Variants in CADPS observed in about 807,000 individuals in gnomAD.
The protein encoded by CADPS is calcium-dependent secretion activator 1.
CADPS carries 57 observed loss-of-function variants against 167.3 expected under a neutral mutation model. The ratio of observed to expected loss-of-function variants is 0.34; its 90% confidence interval spans 0.28 to 0.42. The LOEUF is 0.42. Ranked by LOEUF, CADPS falls within the 20% of genes least tolerant of loss-of-function variation. CADPS has a pLI of 1.00. For synonymous variants in CADPS, 676 were observed against 635.3 expected (o/e 1.06, Z -0.96); for missense variants, 1,414 against 1,738.1 (o/e 0.81, Z 3.32).
chr3:62,499,327 A>G (rs770456840), intron 17 of CADPS, 59 bp from the exon 18 acceptor site: 2 of 1,017,382 alleles, frequency 2.0e-6, no homozygotes, highest in Non-Finnish European at 3.1e-6. Context: ...TTTTATGGCC[A>G]TTAGAACTAG....
intron 3 of CADPS, among the ~76,000 whole-genome samples, chr3:62,685,307 G>C (rs1256112339): frequency 6.6e-6 from 1 of 151,878 alleles, no homozygotes; most frequent in African/African-American, 2.4e-5. Context: ...ACACAAACAG[G>C]TAGACATTCC....
chr3:62,797,847 G>T (rs2093531376), intron 1 of CADPS, among the ~76,000 whole-genome samples: 1 of 151,910 alleles, frequency 6.6e-6, no homozygotes, highest in African/African-American at 2.4e-5. Context: ...AAAATAAAAG[G>T]TTTCCTGAAA....
At chr3:62,855,299 T>TG (rs35120395) in intron 1 of CADPS, among the ~76,000 whole-genome samples, 1 of 151,898 alleles carries the variant, frequency 6.6e-6, no homozygotes, top group African/African-American at 2.4e-5. Context: ...TATCTCAGCA[T>TG]GGAAGTTGGA....
At chr3:62,866,577 T>A (rs573131370) in intron 1 of CADPS, among the ~76,000 whole-genome samples, 1 of 152,180 alleles carries the variant, frequency 6.6e-6, no homozygotes, top group Admixed American at 6.6e-5. Context: ...TGAGTAAGGT[T>A]TCCTAAAGGA....
intron 28 of CADPS, chr3:62,403,521 A>G (rs1374847950): frequency 5.9e-6 from 1 of 168,582 alleles, no homozygotes; most frequent in African/African-American, 2.4e-5. Flanking sequence ...TACACCATTT[A>G]TATTCAATAC....
At chr3:62,672,880 G>C (rs549063777) in intron 3 of CADPS, among the ~76,000 whole-genome samples, 2 of 152,292 alleles carry the variant, frequency 1.3e-5, no homozygotes, top group Non-Finnish European at 2.9e-5. Flanking sequence ...CTCCTAGAGG[G>C]CTGGGATTAC....
chr3:62,600,729 G>A (rs541743068), intron 6 of CADPS, among the ~76,000 whole-genome samples: 176 of 152,286 alleles, frequency 1.2e-3, no homozygotes, highest in African/African-American at 3.9e-3. Flanking sequence ...ACATTATTTT[G>A]GGGGAGATGC....
intron 1 of CADPS, among the ~76,000 whole-genome samples, chr3:62,825,971 A>G (rs953982793): frequency 2.6e-5 from 4 of 152,144 alleles, no homozygotes; most frequent in Non-Finnish European, 4.4e-5. Flanking sequence ...AAATTCCTTG[A>G]CCTCAAAGAA....
chr3:62,460,338 T>C (rs1389960552), intron 26 of CADPS, among the ~76,000 whole-genome samples: 4 of 152,156 alleles, frequency 2.6e-5, no homozygotes, highest in South Asian at 2.1e-4. Context: ...TAGAAGCCAA[T>C]TGACTTAAAA....
In CADPS at chr3:62,771,824, T is replaced by C. The variant is rs76325659; in HGVS notation, c.442-5840A>G. On this transcript the variant is annotated intron_variant, in intron 1 of 29. Coordinates refer to ENST00000383710, the MANE Select transcript of CADPS (RefSeq NM_003716.4). The stretch of plus-strand genomic sequence containing the variant: ...CAAGGCCTGAAAATTCCCACTGCAT[T>C]TCAGGCAGTTTGTAATTTACTGAAG... 5.5e-3 allele frequency among the ~76,000 whole-genome samples: 839 copies of C among 152,316 alleles called. 1 individual carries two copies. The highest frequency in any genetic ancestry group is 7.7e-3 in the Non-Finnish European group (522 of 68,036).
rs141684470 is a variant in CADPS at position 62,753,669 on chromosome 3, G to A, written c.660C>T (p.Arg220=). ...VFKKHIEKRV[R]SLPEIDGLSK... ...TGAGGCCGTCAATCTCAGGCAGGCTGCGCACTCTCTTCTCAATGTGCTTCT... is the reference window on the plus strand; with the variant it reads ...TGAGGCCGTCAATCTCAGGCAGGCTACGCACTCTCTTCTCAATGTGCTTCT... The change falls in exon 3 of 30, where the codon CGC becomes CGT. Residue 220 remains arginine, a synonymous_variant. Transcript: ENST00000383710. The surrounding 1 kb of genome is among the most constrained non-coding windows in gnomAD (Gnocchi z 4.6). The A allele has an allele frequency of 3.7e-6, 6 of 1,614,168 alleles. No homozygotes were observed. The highest frequency in any genetic ancestry group is 5.1e-6 in the Non-Finnish European group (6 of 1,180,024).
chr3:62,440,500 C>T (rs1170106685), intron 27 of CADPS: 1 of 128,034 alleles, frequency 7.8e-6, no homozygotes, highest in Non-Finnish European at 1.7e-5. Flanking sequence ...ATGATTCCCC[C>T]CCCCCCCCAT....
intron 3 of CADPS, among the ~76,000 whole-genome samples, chr3:62,669,520 T>C (rs1308446091): frequency 6.6e-6 from 1 of 152,136 alleles, no homozygotes; most frequent in Non-Finnish European, 1.5e-5. Flanking sequence ...CCAAATTCCT[T>C]CCTCTCATTT....
intron 13 of CADPS, among the ~76,000 whole-genome samples, chr3:62,530,015 C>A (rs1363813016): frequency 6.6e-6 from 1 of 152,054 alleles, no homozygotes; most frequent in Non-Finnish European, 1.5e-5. Flanking sequence ...AATTTATAAA[C>A]CCGCAAAGAA....
At chr3:62,571,527 C>A (rs2081280993) in intron 8 of CADPS, among the ~76,000 whole-genome samples, 1 of 150,864 alleles carries the variant, frequency 6.6e-6, no homozygotes, top group African/African-American at 2.4e-5. Context: ...ACTACAGAGG[C>A]AGAGCTCAAA....
chr3:62,848,942 C>T lies in CADPS; in HGVS notation c.441+25647G>A, dbSNP rs1463454812. Among the ~76,000 whole-genome samples the T allele has an allele frequency of 4.1e-4, 53 of 130,616 alleles. No homozygotes were observed. The South Asian group carries it at 8.8e-3, about 22-fold the overall frequency. The allele number at this position is 130,616 out of a possible 152,430, so 85.7% of individuals were successfully genotyped here. A position where few individuals can be genotyped will look rare whatever the true frequency, so the allele number is the denominator to read the frequency against. ...GAATGTTCTTCCATTTCTTTGTATC[C>T]TCTTTTATTTCCTTGAGCAGTGGTT... On this transcript the variant is annotated intron_variant, in intron 1 of 29. Coordinates refer to ENST00000383710, the MANE Select transcript of CADPS (RefSeq NM_003716.4).
At chr3:62,848,939 ATCC>A (rs2078011564) in intron 1 of CADPS, among the ~76,000 whole-genome samples, 1 of 129,404 alleles carries the variant, frequency 7.7e-6, no homozygotes, top group Admixed American at 8.0e-5. Context: ...ATTTCTTTGT[ATCC>A]TCTTTTATTT....
At chr3:62,444,081 G>A (rs1487033202) in intron 27 of CADPS, among the ~76,000 whole-genome samples, 1 of 152,120 alleles carries the variant, frequency 6.6e-6, no homozygotes. Flanking sequence ...CCAATGGCTG[G>A]ATCAAGTTTC....
chr3:62,740,048 T>TA (rs2152287854), intron 3 of CADPS, among the ~76,000 whole-genome samples: 1 of 152,354 alleles, frequency 6.6e-6, no homozygotes, highest in East Asian at 1.9e-4. Flanking sequence ...TTGATTGCCA[T>TA]GTTCATGGGT....
Sources: allele counts gnomAD v4.1 joint callset (sites outside exome capture counted in the v4.1 genomes callset), GRCh38; gene constraint gnomAD v4.1.1; non-coding constraint Gnocchi (gnomAD v3.1); transcripts MANE v1.5; gene names NCBI Gene and HGNC (gene_info 2026-07-23, HGNC 2026-07-21).